The following GALNT17 variants were observed in gnomAD, a reference collection of about 807,000 sequenced individuals.
GALNT17 encodes the protein UDP-GalNAc:polypeptide N-acetylgalactosaminyltransferase-like 3.
A neutral mutation model predicts 63.7 loss-of-function variants in GALNT17; 29 were observed. The observed-to-expected ratio is 0.46, with a 90% CI of 0.34 to 0.62. The LOEUF (loss-of-function observed/expected upper bound fraction) is 0.62, where lower values mean the gene tolerates loss of function less well. Among genes scored for constraint, GALNT17 ranks in the 20% least tolerant of loss-of-function variants. The pLI, the probability that GALNT17 is intolerant of heterozygous loss-of-function variation, is 0.01. For missense variants in GALNT17, 603 were observed against 799.6 expected (o/e 0.75, Z 2.97); for synonymous variants, 305 against 318.3 (o/e 0.96, Z 0.45).
intron 6 of GALNT17, among the ~76,000 whole-genome samples, chr7:71,580,145 G>A (rs1789610181): frequency 1.3e-5 from 2 of 151,818 alleles, no homozygotes; most frequent in South Asian, 2.1e-4. Context: ...ACAGATAGAT[G>A]GATAGATGAT....
chr7:71,301,030 A>G (rs1011362815), intron 1 of GALNT17: 3 of 152,220 alleles, frequency 2.0e-5, no homozygotes, highest in East Asian at 1.9e-4. Flanking sequence ...GTTCACATCT[A>G]TAATTCCAGT....
intron 5 of GALNT17, among the ~76,000 whole-genome samples, chr7:71,512,106 G>C (rs147098330): frequency 6.7e-6 from 1 of 149,512 alleles, no homozygotes; most frequent in African/African-American, 2.5e-5. Flanking sequence ...AGGTGTAAGC[G>C]ATTCTCCCGC....
chr7:71,376,554 AGTGTGTGTGTAT>A (rs1384761543), intron 2 of GALNT17, among the ~76,000 whole-genome samples: 5 of 145,648 alleles, frequency 3.4e-5, no homozygotes, highest in Admixed American at 7.2e-5. Context: ...TATGTGTGCG[AGTGTGTGTGTAT>A]GTGTGTGTGT....
chr7:71,194,304 G>A (rs1789006614), intron 1 of GALNT17, among the ~76,000 whole-genome samples: 1 of 152,146 alleles, frequency 6.6e-6, no homozygotes, highest in Non-Finnish European at 1.5e-5. Context: ...CTTAGACTGT[G>A]GTCCTCATCG....
At chr7:71,537,137 A>G (rs1308718554) in intron 5 of GALNT17, among the ~76,000 whole-genome samples, 2 of 152,082 alleles carry the variant, frequency 1.3e-5, no homozygotes, top group Non-Finnish European at 2.9e-5. Context: ...CTTTCTCCTA[A>G]ATTGATCTCT....
chr7:71,199,220 T>G (rs1162561490), intron 1 of GALNT17, among the ~76,000 whole-genome samples: 2 of 152,186 alleles, frequency 1.3e-5, no homozygotes, highest in Non-Finnish European at 2.9e-5. Flanking sequence ...CCTGAAATTC[T>G]TCTTTGAAAG....
chr7:71,244,899 A>G lies in GALNT17; in HGVS notation c.239-90651A>G, dbSNP rs539608967. The stretch of plus-strand genomic sequence containing the variant: ...CAGGGGTTCAAGGCTGCATTGAGCT[A>G]TCATGGCACCACTGCACTCCAGCCT... On this transcript the variant is annotated intron_variant, in intron 1 of 10. Coordinates refer to ENST00000333538, the MANE Select transcript of GALNT17 (RefSeq NM_022479.3). Among the ~76,000 whole-genome samples the G allele has an allele frequency of 8.5e-5, 13 of 152,066 alleles. No homozygotes were observed. The South Asian group carries it at 1.0e-3, about 12-fold the overall frequency.
At chr7:71,149,658 A>G (rs1788096018) in intron 1 of GALNT17, among the ~76,000 whole-genome samples, 1 of 152,238 alleles carries the variant, frequency 6.6e-6, no homozygotes, top group Non-Finnish European at 1.5e-5. Flanking sequence ...ACAAAATGTG[A>G]GAAAAGTGAA....
intron 5 of GALNT17, among the ~76,000 whole-genome samples, chr7:71,513,157 C>T (rs566506225): frequency 6.6e-6 from 1 of 152,210 alleles, no homozygotes; most frequent in East Asian, 1.9e-4. Flanking sequence ...TCAAGGAACC[C>T]TGAATTCCAA....
At chr7:71,242,557 C>T (rs1215990278) in intron 1 of GALNT17, among the ~76,000 whole-genome samples, 6 of 152,086 alleles carry the variant, frequency 3.9e-5, no homozygotes, top group Admixed American at 1.3e-4. Context: ...TGTGAGCCAC[C>T]GCGCCTGGTC....
chr7:71,240,923 C>T (rs1281538375), intron 1 of GALNT17, among the ~76,000 whole-genome samples: 3 of 152,144 alleles, frequency 2.0e-5, no homozygotes, highest in African/African-American at 7.2e-5. Context: ...CTCTTCCTCC[C>T]AAAGTGCTGG....
chr7:71,440,280 T>A (rs1787041634), intron 5 of GALNT17, among the ~76,000 whole-genome samples: 1 of 152,116 alleles, frequency 6.6e-6, no homozygotes, highest in Non-Finnish European at 1.5e-5. Context: ...ACTCTGAAAT[T>A]CAGTTCAGGG....
At chr7:71,708,092 A>T (rs1482064972) in intron 9 of GALNT17, among the ~76,000 whole-genome samples, 3 of 152,292 alleles carry the variant, frequency 2.0e-5, no homozygotes, top group East Asian at 3.9e-4. Context: ...CTGCTCTTTC[A>T]TTATTATAAA....
intron 5 of GALNT17, among the ~76,000 whole-genome samples, chr7:71,449,888 A>G (rs1018778357): frequency 3.3e-5 from 5 of 151,690 alleles, no homozygotes; most frequent in Admixed American, 2.6e-4. Flanking sequence ...CTAAAAATAC[A>G]AAATTAGCCA....
At chr7:71,161,202 G>C (rs1037477095) in intron 1 of GALNT17, among the ~76,000 whole-genome samples, 2 of 152,076 alleles carry the variant, frequency 1.3e-5, no homozygotes, top group Non-Finnish European at 2.9e-5. Context: ...TAAAATCTTT[G>C]TGTCACCTTA....
chr7:71,537,375 T>C (rs1788818413), intron 5 of GALNT17, among the ~76,000 whole-genome samples: 1 of 152,222 alleles, frequency 6.6e-6, no homozygotes, highest in Admixed American at 6.5e-5. Context: ...TGAACTTGTT[T>C]GGAAAGAGGA....
At position 71,335,986 on chromosome 7, in the gene GALNT17, C is replaced by A. The variant is rs1038449246; in HGVS notation, c.422+253C>A. On this transcript the variant is annotated intron_variant, in intron 2 of 10. Transcript: ENST00000333538. ...ATACAAAAAGCTTTGTATTTTAATTCTTCTTCTTCTTCTTCTTCTTCCTTC... is the reference window on the plus strand; with the variant it reads ...ATACAAAAAGCTTTGTATTTTAATTATTCTTCTTCTTCTTCTTCTTCCTTC... 3.8e-5 allele frequency among the ~76,000 whole-genome samples: 3 copies of A among 79,308 alleles called. No individual in the cohort carries two copies. The East Asian group carries it at 8.9e-4, about 23-fold the overall frequency. 52.0% of individuals were successfully genotyped at this position (79,308 alleles called of 152,430 possible). A position where few individuals can be genotyped will look rare whatever the true frequency, so the allele number is the denominator to read the frequency against.
chr7:71,216,912 C>T (rs988792560), intron 1 of GALNT17, among the ~76,000 whole-genome samples: 2 of 151,832 alleles, frequency 1.3e-5, no homozygotes, highest in Admixed American at 6.6e-5. Flanking sequence ...ATATAATTTC[C>T]ATGTGTGTAT....
At chr7:71,519,299 T>C (rs1260405951) in intron 5 of GALNT17, among the ~76,000 whole-genome samples, 3 of 152,214 alleles carry the variant, frequency 2.0e-5, no homozygotes, top group Non-Finnish European at 4.4e-5. Flanking sequence ...ATTCATTAAT[T>C]CATCCAATCA....
Sources: gnomAD v4.1 joint callset for allele counts (sites outside exome capture counted in the v4.1 genomes callset) on GRCh38, gnomAD v4.1.1 for gene constraint, MANE v1.5 for transcripts, NCBI Gene and HGNC (gene_info 2026-07-23, HGNC 2026-07-21) for gene names.